The following POPDC1 variants were observed in gnomAD, a reference collection of about 807,000 sequenced individuals.
The protein encoded by POPDC1 is popeye domain-containing protein 1.
chr6:105,097,042 A>G, the POPDC1 span: 5 of 152,662 alleles, frequency 3.3e-5, no homozygotes, highest in Admixed American at 3.3e-4. Flanking sequence ...AGAAAAACCT[A>G]TAAATAGTAC....
the POPDC1 span, among the ~76,000 whole-genome samples, chr6:105,121,332 C>T: frequency 6.8e-6 from 1 of 146,332 alleles, no homozygotes; most frequent in African/African-American, 2.5e-5. Context: ...GGGGTGTGAT[C>T]TCGGCTCACT....
chr6:105,116,778 CAT>C, the POPDC1 span: 1 of 1,612,508 alleles, frequency 6.2e-7, no homozygotes, highest in Non-Finnish European at 8.5e-7. Flanking sequence ...CTAAAGATTT[CAT>C]ACAAGAAAGG....
At chr6:105,116,862 T>C in the POPDC1 span, 1 of 1,611,354 alleles carries the variant, frequency 6.2e-7, no homozygotes, top group Non-Finnish European at 8.5e-7. Flanking sequence ...TCTGCAATAA[T>C]GGTGACCTGC....
At chr6:105,116,980 T>A in the POPDC1 span, 1 of 1,029,138 alleles carries the variant, frequency 9.7e-7, no homozygotes, top group African/African-American at 1.7e-5. Flanking sequence ...TAGCAATGAT[T>A]TGTCAAATTA....
chr6:105,118,486 T>C, the POPDC1 span, among the ~76,000 whole-genome samples: 1 of 152,248 alleles, frequency 6.6e-6, no homozygotes, highest in Admixed American at 6.5e-5. Context: ...TTTCGATACA[T>C]TACTATGCAT....
chr6:105,111,201 A>C, the POPDC1 span, among the ~76,000 whole-genome samples: 7 of 152,226 alleles, frequency 4.6e-5, no homozygotes, highest in Non-Finnish European at 1.5e-5. Context: ...AATCCAAATG[A>C]TAGGTTATTT....
the POPDC1 span, chr6:105,096,860 T>A: frequency 6.5e-6 from 1 of 152,782 alleles, no homozygotes; most frequent in South Asian, 2.1e-4. Flanking sequence ...AATGGCAATA[T>A]ATGAAGATAT....
the POPDC1 span, chr6:105,115,900 C>T: frequency 1.3e-6 from 2 of 1,502,730 alleles, no homozygotes; most frequent in East Asian, 4.6e-5. Context: ...GCAGCATGTA[C>T]TTTTCCTAGA....
chr6:105,110,390 T>A, the POPDC1 span, among the ~76,000 whole-genome samples: 1 of 152,230 alleles, frequency 6.6e-6, no homozygotes, highest in Non-Finnish European at 1.5e-5. Context: ...TGCTGCCTAA[T>A]CACACATCTT....
At chr6:105,122,006 A>G in the POPDC1 span, among the ~76,000 whole-genome samples, 1 of 152,232 alleles carries the variant, frequency 6.6e-6, no homozygotes, top group South Asian at 2.1e-4. Flanking sequence ...CCACTGACAC[A>G]GGTAGTGAGA....
chr6:105,129,919 A>C, the POPDC1 span, among the ~76,000 whole-genome samples: 1 of 152,218 alleles, frequency 6.6e-6, no homozygotes, highest in African/African-American at 2.4e-5. Flanking sequence ...GAATCCATGG[A>C]TGTGGGGACT....
the POPDC1 span, among the ~76,000 whole-genome samples, chr6:105,114,128 A>G: frequency 6.6e-6 from 1 of 152,210 alleles, no homozygotes; most frequent in Non-Finnish European, 1.5e-5. Context: ...CTCGTCTTTA[A>G]GTCTTCCAAC....
the POPDC1 span, chr6:105,129,348 CACTT>C: frequency 6.1e-5 from 94 of 1,543,134 alleles, no homozygotes; most frequent in Admixed American, 1.1e-4. Context: ...GCTTTAAAAT[CACTT>C]CCTTATTAAT....
chr6:105,110,369 TCC>T, the POPDC1 span, among the ~76,000 whole-genome samples: 2 of 152,206 alleles, frequency 1.3e-5, no homozygotes, highest in African/African-American at 4.8e-5. Flanking sequence ...CAGACTCATC[TCC>T]CAGAAACCTG....
At chr6:105,108,130 G>A in the POPDC1 span, among the ~76,000 whole-genome samples, 23 of 152,156 alleles carry the variant, frequency 1.5e-4, no homozygotes, top group African/African-American at 4.8e-4. Flanking sequence ...GCTGTACAGC[G>A]CGCAAGGTGT....
chr6:105,101,298 G>A, the POPDC1 span: 5 of 1,360,392 alleles, frequency 3.7e-6, no homozygotes, highest in East Asian at 2.6e-5. Context: ...AATTCCAACT[G>A]GAAAATAAAA....
the POPDC1 span, chr6:105,129,413 A>G: frequency 6.2e-7 from 1 of 1,612,478 alleles, no homozygotes; most frequent in Non-Finnish European, 8.5e-7. Context: ...CGACAGATGC[A>G]AAATGTTGAC....
the POPDC1 span, among the ~76,000 whole-genome samples, chr6:105,126,226 CA>C: frequency 1.2e-3 from 126 of 108,356 alleles, no homozygotes; most frequent in African/African-American, 4.0e-3. Flanking sequence ...AACTCGGTAT[CA>C]AAAAAAAATA....
At chr6:105,133,499 C>A in the POPDC1 span, 21 of 1,613,862 alleles carry the variant, frequency 1.3e-5, no homozygotes, top group Non-Finnish European at 1.8e-5. Context: ...TTGGAAGGCA[C>A]AGGTATGATA....
Sources: gnomAD v4.1 joint callset for allele counts (sites outside exome capture counted in the v4.1 genomes callset) on GRCh38, gnomAD v4.1.1 for gene constraint, MANE v1.5 for transcripts, NCBI Gene and HGNC (gene_info 2026-07-23, HGNC 2026-07-21) for gene names.